Variants in AGBL4 observed in about 807,000 individuals in gnomAD.
AGBL4 encodes the protein AGBL carboxypeptidase 4.
In AGBL4, 58 loss-of-function variants were observed where a neutral mutation model predicts 66.4. That is an observed-to-expected ratio of 0.87 (90% CI 0.71 to 1.09). The LOEUF is 1.09. AGBL4 is among the 50% of genes least tolerant of loss of function. The pLI is 0.00. For synonymous variants in AGBL4, 234 were observed against 222.9 expected (o/e 1.05, Z -0.44); for missense variants, 579 against 631.0 (o/e 0.92, Z 0.88).
At chr1:49,033,434 A>G (rs930095347) in intron 5 of AGBL4, among the ~76,000 whole-genome samples, 1 of 152,146 alleles carries the variant, frequency 6.6e-6, no homozygotes, top group South Asian at 2.1e-4. Flanking sequence ...AGTTGCAACT[A>G]TATCAAGGCG....
At chr1:48,755,383 C>T (rs958154990) in intron 6 of AGBL4, among the ~76,000 whole-genome samples, 15 of 152,204 alleles carry the variant, frequency 9.9e-5, no homozygotes, top group African/African-American at 3.1e-4. Flanking sequence ...TGGCCTCCCT[C>T]GTCTCTGAAT....
intron 2 of AGBL4, among the ~76,000 whole-genome samples, chr1:49,806,402 C>T (rs542844376): frequency 6.6e-6 from 1 of 152,210 alleles, no homozygotes; most frequent in Admixed American, 6.5e-5. Context: ...GAAGGTAGAA[C>T]TTGTGAATAC....
intron 11 of AGBL4, among the ~76,000 whole-genome samples, chr1:48,540,136 G>A (rs1362120347): frequency 6.6e-6 from 1 of 152,094 alleles, no homozygotes; most frequent in African/African-American, 2.4e-5. Flanking sequence ...AAAAACCCAA[G>A]GACAAGAGAC....
chr1:49,561,081 G>A (rs1644027354), intron 3 of AGBL4, among the ~76,000 whole-genome samples: 1 of 151,994 alleles, frequency 6.6e-6, no homozygotes, highest in African/African-American at 2.4e-5. Flanking sequence ...TAACTATGGT[G>A]TGTAAACTAC....
At chr1:49,589,133 G>T (rs1215446979) in intron 3 of AGBL4, among the ~76,000 whole-genome samples, 1 of 152,064 alleles carries the variant, frequency 6.6e-6, no homozygotes, top group Non-Finnish European at 1.5e-5. Flanking sequence ...TCAAAACAGA[G>T]AAGTTCAATA....
intron 9 of AGBL4, among the ~76,000 whole-genome samples, chr1:48,596,866 G>A (rs1264563811): frequency 2.0e-5 from 3 of 152,092 alleles, no homozygotes; most frequent in African/African-American, 4.8e-5. Context: ...TAAGTCAAGG[G>A]GACAAAGAAA....
intron 11 of AGBL4, chr1:48,586,123 G>A (rs944807124): frequency 6.6e-6 from 1 of 152,198 alleles, no homozygotes. Flanking sequence ...ATCTGTTACA[G>A]CTCTGATGCA....
chr1:49,824,145 G>C (rs1645444151), intron 2 of AGBL4, among the ~76,000 whole-genome samples: 1 of 152,138 alleles, frequency 6.6e-6, no homozygotes, highest in Admixed American at 6.6e-5. Flanking sequence ...GGAGGCAGAA[G>C]TTGCAGTGAG....
At chr1:48,796,192 G>T (rs1458580070) in intron 6 of AGBL4, among the ~76,000 whole-genome samples, 1 of 152,142 alleles carries the variant, frequency 6.6e-6, no homozygotes, top group African/African-American at 2.4e-5. Context: ...TTAATTCTCA[G>T]AAATACTTTT....
intron 5 of AGBL4, among the ~76,000 whole-genome samples, chr1:49,020,449 G>T (rs980162162): frequency 6.6e-6 from 1 of 152,164 alleles, no homozygotes; most frequent in Non-Finnish European, 1.5e-5. Flanking sequence ...GAAATAAGCA[G>T]AAAGGACTAC....
At chr1:49,133,973 A>T (rs1047348003) in intron 4 of AGBL4, among the ~76,000 whole-genome samples, 6 of 152,060 alleles carry the variant, frequency 3.9e-5, no homozygotes, top group Admixed American at 3.9e-4. Context: ...CAATATTTCA[A>T]CAGAGGTTCT....
intron 3 of AGBL4, among the ~76,000 whole-genome samples, chr1:49,625,321 T>C (rs1444001723): frequency 6.6e-6 from 1 of 152,194 alleles, no homozygotes; most frequent in Non-Finnish European, 1.5e-5. Flanking sequence ...TAAGCACTTA[T>C]TAAATGTTAC....
rs905516092 is a variant in AGBL4 at position 49,138,410 on chromosome 1, T to A, written c.378-92610A>T. ...TTTCTTCTTCCTAAACTCCTCCCTT[T>A]TCTCTTTCCCTCCACTACCAAAATA... On this transcript the variant is annotated intron_variant, in intron 4 of 13. Transcript: ENST00000371839. Among the ~76,000 whole-genome samples the A allele has an allele frequency of 3.3e-5, 5 of 151,654 alleles. 1 individual carries two copies. The highest frequency in any genetic ancestry group is 1.3e-4 in the Admixed American group (2 of 15,222).
chr1:49,811,830 G>A (rs183281506), intron 2 of AGBL4, among the ~76,000 whole-genome samples: 1,606 of 152,154 alleles, frequency 0.011, 5 homozygotes, highest in Middle Eastern at 0.02. Flanking sequence ...TTACAAATTA[G>A]AGAACCAAGG....
At chr1:49,814,001 C>A (rs1645171420) in intron 2 of AGBL4, among the ~76,000 whole-genome samples, 1 of 152,138 alleles carries the variant, frequency 6.6e-6, no homozygotes, top group African/African-American at 2.4e-5. Flanking sequence ...AGTTCCCCTG[C>A]ACATGCTTTC....
chr1:49,613,405 G>A (rs778664962), intron 3 of AGBL4, among the ~76,000 whole-genome samples: 2 of 152,154 alleles, frequency 1.3e-5, no homozygotes, highest in African/African-American at 2.4e-5. Context: ...GCCATGGACC[G>A]GTACCAGGCC....
At chr1:48,688,505 T>C (rs1646569509) in intron 6 of AGBL4, among the ~76,000 whole-genome samples, 1 of 152,204 alleles carries the variant, frequency 6.6e-6, no homozygotes, top group African/African-American at 2.4e-5. Flanking sequence ...AACAAAGACA[T>C]TGCTGAGTGT....
intron 3 of AGBL4, among the ~76,000 whole-genome samples, chr1:49,370,682 A>G (rs1440410062): frequency 6.6e-6 from 1 of 152,148 alleles, no homozygotes; most frequent in Non-Finnish European, 1.5e-5. Flanking sequence ...GTGTGCTTCC[A>G]GTTCTTCATT....
chr1:48,963,470 T>C (rs891902494), intron 5 of AGBL4, among the ~76,000 whole-genome samples: 1 of 151,812 alleles, frequency 6.6e-6, no homozygotes, highest in Non-Finnish European at 1.5e-5. Flanking sequence ...GGCAGCAGCG[T>C]CAATGACAAC....
Sources: gnomAD v4.1 joint callset for allele counts (sites outside exome capture counted in the v4.1 genomes callset) on GRCh38, gnomAD v4.1.1 for gene constraint, MANE v1.5 for transcripts, NCBI Gene and HGNC (gene_info 2026-07-23, HGNC 2026-07-21) for gene names.